CEP44: variants seen among roughly 807,000 people sequenced by gnomAD.
CEP44 encodes the protein centrosomal protein of 44 kDa.
A neutral mutation model predicts 46.7 loss-of-function variants in CEP44; 45 were observed. The ratio of observed to expected loss-of-function variants is 0.96; its 90% CI spans 0.76 to 1.24. The LOEUF (loss-of-function observed/expected upper bound fraction) is 1.24, where lower values mean the gene tolerates loss of function less well. CEP44 is among the 50% of genes most tolerant of loss of function. CEP44 has a pLI of 0.00. For synonymous variants in CEP44, 142 were observed against 146.0 expected (o/e 0.97, Z 0.20); for missense variants, 475 against 459.7 (o/e 1.03, Z -0.30).
At chr4:174,324,691 A>G (rs779061436), downstream of CEP44, among the ~76,000 whole-genome samples, 12 of 152,102 alleles carry the variant, frequency 7.9e-5, no homozygotes, top group Non-Finnish European at 1.3e-4. Context: ...CTCTCCTTCC[A>G]TGGATAAGGT....
rs911317148 is a variant in CEP44, at chr4:174,317,900, C to T, written c.*517C>T. On this transcript the variant is annotated 3_prime_UTR_variant, in exon 12 of 12. Transcript: ENST00000503780. ...CAGTTATTTCATGCTTGGTCAAAAA[C>T]ATCAATACCTTTCCAATTAACACTG... 72 of 985,422 alleles carry T rather than the reference C, an allele frequency of 7.3e-5. No homozygotes were observed. Among genetic ancestry groups the T allele is most frequent in the Admixed American group, 3.1e-4 (5 of 16,262 alleles). 61.0% of individuals were successfully genotyped at this position (985,422 alleles called of 1,614,324 possible).
chr4:174,318,962 G>A lies in CEP44; in HGVS notation c.*1579G>A, dbSNP rs371798864. 4.5e-5 allele frequency: 11 copies of A among 243,268 alleles called. No individual in the cohort carries two copies. The highest frequency in any genetic ancestry group is 1.8e-4 in the East Asian group (1 of 5,530). 15.1% of individuals were successfully genotyped at this position (243,268 alleles called of 1,614,324 possible). The stretch of plus-strand genomic sequence containing the variant: ...GTAGCTGGGACTATAGGCCTGTACC[G>A]TCATGCCTGGCTAATTTTTGTATTT... On this transcript the variant is annotated 3_prime_UTR_variant, in exon 12 of 12. Coordinates refer to ENST00000503780, the MANE Select transcript of CEP44 (RefSeq NM_001040157.3).
At chr4:174,320,435 T>G, downstream of CEP44, 1 of 541,642 alleles carries the variant, frequency 1.8e-6, no homozygotes, top group Non-Finnish European at 2.3e-6. Context: ...ACTACAACAC[T>G]TTTTGAGCTC....
intron 6 of CEP44, 31 bp downstream of exon 6, chr4:174,304,400 T>C (rs1740141463): frequency 2.6e-5 from 41 of 1,594,636 alleles, no homozygotes; most frequent in Non-Finnish European, 3.5e-5. Context: ...TATCATATTG[T>C]TTAAGAGTTA....
Position 174,319,540 on chromosome 4 carries a change from T to C in CEP44, c.*2157T>C. ...TCTTTCTACCCTTTCTTTTTTTCTT[T>C]ATATAGTGCAGATATACACACAGAG... On this transcript the variant is annotated 3_prime_UTR_variant, in exon 12 of 12. Transcript: ENST00000503780. 1.2e-6 allele frequency: 1 copy of C among 848,586 alleles called. No individual in the cohort carries two copies. Among genetic ancestry groups the C allele is most frequent in the Non-Finnish European group, 1.4e-6 (1 of 705,318 alleles). 52.6% of individuals were successfully genotyped at this position (848,586 alleles called of 1,614,324 possible). A position where few individuals can be genotyped will look rare whatever the true frequency, so the allele number is the denominator to read the frequency against.
chr4:174,308,376 A>G (rs933022761), intron 6 of CEP44, among the ~76,000 whole-genome samples: 2 of 152,172 alleles, frequency 1.3e-5, no homozygotes, highest in Non-Finnish European at 2.9e-5. Flanking sequence ...TAATGCAGAA[A>G]CAGAAAACCA....
chr4:174,330,070 G>A (rs998228830), intron 8 of CEP44, among the ~76,000 whole-genome samples: 3 of 151,972 alleles, frequency 2.0e-5, no homozygotes, highest in Non-Finnish European at 2.9e-5. Context: ...TCATTTTATT[G>A]TCATTAAAAT....
intron 4 of CEP44, among the ~76,000 whole-genome samples, chr4:174,303,121 A>T (rs1739939414): frequency 6.6e-6 from 1 of 152,174 alleles, no homozygotes; most frequent in African/African-American, 2.4e-5. Context: ...AGTCAATGAA[A>T]TGGGAGCTTT....
In CEP44 at chr4:174,318,420, A is replaced by G. The variant is rs967430468; in HGVS notation, c.*1037A>G. The stretch of plus-strand genomic sequence containing the variant: ...GTGAGGTGTTGTGTTTTGTTTTTTT[A>G]ATGATGAAAAGTTACACATTTTTTG... On this transcript the variant is annotated 3_prime_UTR_variant, in exon 12 of 12. Transcript: ENST00000503780. 1.2e-5 allele frequency: 12 copies of G among 984,818 alleles called. No homozygotes were observed. The African/African-American group carries it at 1.9e-4, about 16-fold the overall frequency. The allele number at this position is 984,818 out of a possible 1,614,324, so 61.0% of individuals were successfully genotyped here.
In CEP44 at chr4:174,286,391, C is replaced by T. The variant is rs986013929; in HGVS notation, c.-148+2448C>T. Among the ~76,000 whole-genome samples, 6 of 152,142 alleles carry T rather than the reference C, an allele frequency of 3.9e-5. No homozygotes were observed. Among genetic ancestry groups the T allele is most frequent in the Admixed American group, 3.9e-4 (6 of 15,286 alleles). On this transcript the variant is annotated intron_variant, in intron 1 of 11. Transcript: ENST00000503780. This position sits in a 1 kb window ranked among gnomAD's most constrained non-coding sequence, Gnocchi z 5.2. The stretch of plus-strand genomic sequence containing the variant: ...AAAAGATCACACTAACCCAGCTTCA[C>T]CTGATTTATGAATTGTTCTGTTTTC...
chr4:174,299,278 G>A, intron 3 of CEP44, 68 bp downstream of exon 3: 1 of 1,264,136 alleles, frequency 7.9e-7, no homozygotes, highest in Non-Finnish European at 1.1e-6. Flanking sequence ...TTAACATGGG[G>A]GACTACCTGA....
intron 9 of CEP44, among the ~76,000 whole-genome samples, chr4:174,313,280 G>A (rs1408319996): frequency 6.6e-6 from 1 of 151,838 alleles, no homozygotes; most frequent in African/African-American, 2.4e-5. Flanking sequence ...AGAGGGTACA[G>A]TAGTTTAGGT....
At position 174,310,934 on chromosome 4, in the gene CEP44, T is replaced by C. The variant is rs1741011136; in HGVS notation, c.961+76T>C. On this transcript the variant is annotated intron_variant, in intron 9 of 11. Transcript: ENST00000503780. This position sits in a 1 kb window ranked among gnomAD's most constrained non-coding sequence, Gnocchi z 4.2. ...GATTGTTATAGTAATTTTAATATTC[T>C]TAAGCTTTATTGTTTAGAAATTGCA... 1.4e-6 allele frequency: 1 copy of C among 702,790 alleles called. No homozygotes were observed. The highest frequency in any genetic ancestry group is 2.4e-6 in the Non-Finnish European group (1 of 412,934). 43.5% of individuals were successfully genotyped at this position (702,790 alleles called of 1,614,324 possible).
Position 174,331,630 on chromosome 4 carries a change from T to A in CEP44, c.*35T>A. 1 of 1,546,944 alleles carries A rather than the reference T, an allele frequency of 6.5e-7. No individual in the cohort carries two copies. Among genetic ancestry groups the A allele is most frequent in the Non-Finnish European group, 8.7e-7 (1 of 1,144,496 alleles). Reference sequence around the variant, plus strand: ...CTTGGATCCTGTGCTTACCTTTTCCTGCTGTACTCTGATGTTTCAGTGAAG... The same window carrying A: ...CTTGGATCCTGTGCTTACCTTTTCCAGCTGTACTCTGATGTTTCAGTGAAG... On this transcript the variant is annotated 3_prime_UTR_variant, in exon 9 of 9. Coordinates refer to the CEP44 transcript ENST00000426172. The surrounding 1 kb of genome is among the most constrained non-coding windows in gnomAD (Gnocchi z 4.5).
chr4:174,291,787 CTTTT>C (rs56201469), intron 1 of CEP44, among the ~76,000 whole-genome samples: 20 of 46,396 alleles, frequency 4.3e-4, no homozygotes, highest in East Asian at 1.8e-3. Context: ...TTTTTCTTTT[CTTTT>C]TTTTTTTTTT....
chr4:174,284,816 C>CTTTTTTTTGATACGTGTTT (rs1737386540), intron 1 of CEP44, among the ~76,000 whole-genome samples: 1 of 152,132 alleles, frequency 6.6e-6, no homozygotes. Context: ...CTCATCTTTA[C>CTTTTTTTTGATACGTGTTT]TTTTTTGTTT....
Position 174,320,089 on chromosome 4 carries a change from T to TAA in CEP44, c.*2707_*2708insAA. On this transcript the variant is annotated 3_prime_UTR_variant, in exon 12 of 12. Transcript: ENST00000503780. ...TGTCAGTTGCTTGTGCTGCCCTGTC[T>TAA]ATGTTATGCTCTGAATAGGTCTCGG... The TAA allele has an allele frequency of 1.0e-6, 1 of 985,274 alleles. No homozygotes were observed. The highest frequency in any genetic ancestry group is 1.2e-6 in the Non-Finnish European group (1 of 829,816). The allele number at this position is 985,274 out of a possible 1,614,324, so 61.0% of individuals were successfully genotyped here.
intron 9 of CEP44, among the ~76,000 whole-genome samples, chr4:174,313,820 C>T (rs1303943758): frequency 2.0e-5 from 3 of 151,926 alleles, no homozygotes; most frequent in Non-Finnish European, 4.4e-5. Context: ...TTGTGTTTGG[C>T]TCATGTGATT....
rs1445453477 is a variant in CEP44 at position 174,319,369 on chromosome 4, G to T, written c.*1986G>T. 8.1e-6 allele frequency: 8 copies of T among 984,954 alleles called. No individual in the cohort carries two copies. Among genetic ancestry groups the T allele is most frequent in the Non-Finnish European group, 9.6e-6 (8 of 829,680 alleles). 61.0% of individuals were successfully genotyped at this position (984,954 alleles called of 1,614,324 possible). A position where few individuals can be genotyped will look rare whatever the true frequency, so the allele number is the denominator to read the frequency against. On this transcript the variant is annotated 3_prime_UTR_variant, in exon 12 of 12. Coordinates refer to ENST00000503780, the MANE Select transcript of CEP44 (RefSeq NM_001040157.3). The stretch of plus-strand genomic sequence containing the variant: ...CAGCATGGAATTATAGCACCACCTT[G>T]TGGTTAACATGCCAGTATTTTACCT...
Sources: allele counts gnomAD v4.1 joint callset (sites outside exome capture counted in the v4.1 genomes callset), GRCh38; gene constraint gnomAD v4.1.1; non-coding constraint Gnocchi (gnomAD v3.1); transcripts MANE v1.5; gene names NCBI Gene and HGNC (gene_info 2026-07-23, HGNC 2026-07-21).